The following PDE4D variants were observed in gnomAD, a reference collection of about 807,000 sequenced individuals.
The protein encoded by PDE4D is phosphodiesterase 4D, also known as 3',5'-cyclic-AMP phosphodiesterase 4D.
Under a neutral mutation model 87.4 loss-of-function variants are expected in PDE4D, and 24 were observed. That is an observed-to-expected ratio of 0.27 (90% CI 0.20 to 0.39). The LOEUF (loss-of-function observed/expected upper bound fraction) is 0.39, where lower values mean the gene tolerates loss of function less well. Among genes scored for constraint, PDE4D ranks in the 10% least tolerant of loss-of-function variants. PDE4D has a pLI of 1.00. For synonymous variants in PDE4D, 384 were observed against 383.2 expected, an observed-to-expected ratio of 1.00 and a Z score of -0.02; for missense variants, 714 against 1,041.0, an observed-to-expected ratio of 0.69 and a Z score of 4.32.
chr5:59,117,811 T>TTC (rs1219841933), intron 5 of PDE4D, among the ~76,000 whole-genome samples: 1 of 150,892 alleles, frequency 6.6e-6, no homozygotes, highest in Non-Finnish European at 1.5e-5. Context: ...TTTTAACTTT[T>TTC]TTTTTTTTTT....
chr5:59,204,224 A>G (rs1038129527), intron 2 of PDE4D, among the ~76,000 whole-genome samples: 1 of 152,062 alleles, frequency 6.6e-6, no homozygotes, highest in African/African-American at 2.4e-5. Context: ...TCAACCAAAA[A>G]TCCTTAATTT....
At chr5:60,076,144 G>A (rs1391132664) in intron 2 of PDE4D, among the ~76,000 whole-genome samples, 2 of 150,092 alleles carry the variant, frequency 1.3e-5, no homozygotes, top group African/African-American at 4.9e-5. Flanking sequence ...GTGGTCTGAT[G>A]TTCCTCCAAT....
chr5:59,844,376 CTA>C (rs1275048846), intron 1 of PDE4D, among the ~76,000 whole-genome samples: 1 of 152,082 alleles, frequency 6.6e-6, no homozygotes, highest in African/African-American at 2.4e-5. Flanking sequence ...AAAACTGATA[CTA>C]TGTTATATAA....
At chr5:60,218,025 A>G (rs1583109826) in intron 1 of PDE4D, among the ~76,000 whole-genome samples, 1 of 152,006 alleles carries the variant, frequency 6.6e-6, no homozygotes, top group African/African-American at 2.4e-5. Context: ...TACCCTACAA[A>G]CCAGCCATGT....
intron 1 of PDE4D, among the ~76,000 whole-genome samples, chr5:59,643,339 G>A (rs574690902): frequency 2.0e-5 from 3 of 152,264 alleles, no homozygotes; most frequent in South Asian, 4.1e-4. Context: ...AGGGAACTCA[G>A]GGACATCTGC....
At chr5:59,083,279 T>G (rs1767091306) in intron 5 of PDE4D, among the ~76,000 whole-genome samples, 1 of 152,088 alleles carries the variant, frequency 6.6e-6, no homozygotes, top group South Asian at 2.1e-4. Flanking sequence ...TTTCTTATAC[T>G]TAGAATTCCA....
intron 1 of PDE4D, among the ~76,000 whole-genome samples, chr5:60,297,156 T>G (rs905351708): frequency 6.6e-6 from 1 of 152,232 alleles, no homozygotes; most frequent in African/African-American, 2.4e-5. Flanking sequence ...ATGTACCTGC[T>G]TCTCTTTTTC....
chr5:59,672,258 T>C (rs1259027719), intron 1 of PDE4D, among the ~76,000 whole-genome samples: 3 of 152,140 alleles, frequency 2.0e-5, no homozygotes, highest in African/African-American at 7.2e-5. Flanking sequence ...CTGCCTAAAG[T>C]TGGAGAAAGT....
intron 11 of PDE4D, among the ~76,000 whole-genome samples, chr5:58,982,008 G>C (rs549935039): frequency 2.2e-4 from 34 of 152,194 alleles, no homozygotes; most frequent in Non-Finnish European, 4.6e-4. Context: ...GGAGCTCAAA[G>C]TGGCTAGGTC....
chr5:60,423,139 A>T (rs1743291398), intron 1 of PDE4D, among the ~76,000 whole-genome samples: 1 of 152,230 alleles, frequency 6.6e-6, no homozygotes, highest in Admixed American at 6.5e-5. Flanking sequence ...GATCAACCAG[A>T]GAGAAGGTTA....
Position 59,598,042 on chromosome 5 carries a change from G to A in PDE4D, c.455+295126C>T, listed in dbSNP as rs370039838. ...ACAAAGCAAAACATGAACAATACAC[G>A]TCCCAAACTGATGAGACACAAAACT... On this transcript the variant is annotated intron_variant, in intron 1 of 14. Transcript: ENST00000340635. 3.4e-4 allele frequency among the ~76,000 whole-genome samples: 52 copies of A among 152,090 alleles called. No homozygotes were observed. In the South Asian group the frequency reaches 9.0e-3, roughly 26 times the overall value.
intron 5 of PDE4D, among the ~76,000 whole-genome samples, chr5:59,062,617 T>C (rs1325002725): frequency 1.3e-5 from 2 of 151,802 alleles, no homozygotes; most frequent in Admixed American, 1.3e-4. Flanking sequence ...AAAAAGACAA[T>C]GTGTGTGTAT....
chr5:60,110,156 C>T (rs898587547), intron 2 of PDE4D, among the ~76,000 whole-genome samples: 9 of 151,788 alleles, frequency 5.9e-5, no homozygotes, highest in Non-Finnish European at 1.0e-4. Flanking sequence ...TCAACAAAAA[C>T]GAAAATAGTC....
chr5:59,179,081 C>T (rs964776359), intron 5 of PDE4D, among the ~76,000 whole-genome samples: 10 of 152,140 alleles, frequency 6.6e-5, no homozygotes, highest in Non-Finnish European at 1.3e-4. Context: ...TTTATTTTAG[C>T]ATATAGGAAT....
At chr5:59,384,507 T>A (rs565758464) in intron 1 of PDE4D, among the ~76,000 whole-genome samples, 2 of 152,298 alleles carry the variant, frequency 1.3e-5, no homozygotes, top group Non-Finnish European at 2.9e-5. Flanking sequence ...GAGCTCCCTG[T>A]CGATGATATG....
In PDE4D at chr5:59,468,000, C is replaced by A. The variant is rs187860968; in HGVS notation, c.456-252032G>T. 3.1e-3 allele frequency among the ~76,000 whole-genome samples: 467 copies of A among 151,100 alleles called. 1 individual carries two copies. The highest frequency in any genetic ancestry group is 4.1e-3 in the Non-Finnish European group (277 of 67,700). On this transcript the variant is annotated intron_variant, in intron 1 of 14. Transcript: ENST00000340635. ...ATTTAACCCTCTTCTAGAAAAAGAT[C>A]AAAAAAAAGTTCCCTCAGCATGTGC... is the stretch of plus-strand genomic sequence containing the variant.
chr5:59,722,493 T>C (rs1326438354), intron 1 of PDE4D, among the ~76,000 whole-genome samples: 1 of 152,168 alleles, frequency 6.6e-6, no homozygotes, highest in Non-Finnish European at 1.5e-5. Flanking sequence ...CTCCAGTAGT[T>C]TTTTTCCCAA....
chr5:59,326,978 C>T (rs927918623), intron 1 of PDE4D, among the ~76,000 whole-genome samples: 3 of 152,028 alleles, frequency 2.0e-5, no homozygotes, highest in Non-Finnish European at 4.4e-5. Flanking sequence ...TTGTCATGTG[C>T]CAGGTCCTGT....
intron 2 of PDE4D, among the ~76,000 whole-genome samples, chr5:59,196,773 A>G (rs1052822163): frequency 1.6e-4 from 25 of 152,280 alleles, no homozygotes; most frequent in African/African-American, 5.1e-4. Context: ...TATACTACAT[A>G]TATTGCATTC....
Sources: gnomAD v4.1 joint callset for allele counts (sites outside exome capture counted in the v4.1 genomes callset) on GRCh38, gnomAD v4.1.1 for gene constraint, MANE v1.5 for transcripts, NCBI Gene and HGNC (gene_info 2026-07-23, HGNC 2026-07-21) for gene names.